ERCC3: variants seen among roughly 807,000 people sequenced by gnomAD.
ERCC3 encodes ERCC excision repair 3, TFIIH core complex helicase subunit.
Under a neutral mutation model 94.2 loss-of-function variants are expected in ERCC3, and 66 were observed. That is an observed-to-expected ratio of 0.70 (90% CI 0.57 to 0.86). The LOEUF is 0.86. ERCC3 is among the 40% of genes least tolerant of loss of function. The probability of loss-of-function intolerance (pLI) is 0.00; values close to 1 mark genes in which losing one functional copy is unlikely to be tolerated. For synonymous variants in ERCC3, 349 were observed against 369.1 expected, an observed-to-expected ratio of 0.95 and a Z score of 0.63; for missense variants, 829 against 987.1, an observed-to-expected ratio of 0.84 and a Z score of 2.15.
intron 12 of ERCC3, among the ~76,000 whole-genome samples, chr2:127,265,806 TTA>T (rs1323336119): frequency 6.6e-6 from 1 of 152,242 alleles, no homozygotes; most frequent in Non-Finnish European, 1.5e-5. Context: ...TGCTCTGATT[TTA>T]GTTATTTCTT....
At position 127,286,756 on chromosome 2, in the gene ERCC3, A is replaced by G. The variant is rs1406068183; in HGVS notation, c.1289T>C (p.Leu430Pro). Reference protein sequence around the residue: ...SWEAERVMEWLKTQEWGLMIL... With the variant: ...SWEAERVMEWPKTQEWGLMIL... ...CATGAGGCCCCACTCCTGGGTCTTG[A>G]GCCACTCCATGACTCGCTCGGCCTC... is the stretch of plus-strand genomic sequence containing the variant. Residue 430 changes from leucine (L) to proline (P), a missense_variant, in exon 8 of 15, where the codon CTC becomes CCC. By Grantham distance (98) the Leu-to-Pro change is moderately conservative. Transcript: ENST00000285398. The G allele has an allele frequency of 6.2e-7, 1 of 1,613,952 alleles. No individual in the cohort carries two copies. The highest frequency in any genetic ancestry group is 8.5e-7 in the Non-Finnish European group (1 of 1,180,008).
chr2:127,286,850 T>G lies in ERCC3; in HGVS notation c.1195A>C (p.Lys399Gln), dbSNP rs1282822015. Residue 399 changes from lysine to glutamine, a missense_variant, in exon 8 of 15, where the codon AAG becomes CAG. Lys to Gln is a moderately conservative substitution (Grantham distance 53). Transcript: ENST00000285398. The part of the protein sequence containing the change: ...ICRFTSDAKD[K>Q]PIGCSVAIST... ...ATGGCAACGGAGCAGCCGATGGGCT[T>G]GTCCTTGGCATCGGAGGTGAACCGG... is the stretch of plus-strand genomic sequence containing the variant. The G allele has an allele frequency of 6.2e-7, 1 of 1,614,216 alleles. No individual in the cohort carries two copies. Among genetic ancestry groups the G allele is most frequent in the Admixed American group, 1.7e-5 (1 of 60,036 alleles).
rs1684853435 is a variant in ERCC3 at position 127,279,930 on chromosome 2, G to A, written c.1527+517C>T. Among the ~76,000 whole-genome samples, 1 of 152,192 alleles carries A rather than the reference G, an allele frequency of 6.6e-6. No homozygotes were observed. The highest frequency in any genetic ancestry group is 6.5e-5 in the Admixed American group (1 of 15,286). On this transcript the variant is annotated intron_variant, in intron 9 of 14. Transcript: ENST00000285398. The surrounding 1 kb of genome is among the most constrained non-coding windows in gnomAD (Gnocchi z 4.7). ...CCAGGGAGTTATTTTCACACCAGCT[G>A]CAAGTGTGCGAAACCAGATTCTCAA...
At chr2:127,289,593 G>A (rs1359734819) in intron 5 of ERCC3, 92 bp from the exon 6 acceptor site, 1 of 1,600,374 alleles carries the variant, frequency 6.2e-7, no homozygotes, top group East Asian at 2.2e-5. Flanking sequence ...GAACCAGCAG[G>A]GCTGCTAGGT....
chr2:127,276,963 A>G (rs4150471), intron 10 of ERCC3, among the ~76,000 whole-genome samples: 115,254 of 152,060 alleles, frequency 0.76, 43,898 homozygotes, highest in East Asian at 1. Flanking sequence ...CTGATCAAGT[A>G]TAAAGTCGAG....
intron 3 of ERCC3, chr2:127,290,494 T>A: frequency 1.6e-6 from 1 of 611,626 alleles, no homozygotes; most frequent in Non-Finnish European, 3.0e-6. Context: ...GTAATTCTGA[T>A]GCATATCCAT....
At chr2:127,275,222 G>T (rs536100880) in intron 10 of ERCC3, among the ~76,000 whole-genome samples, 1 of 152,146 alleles carries the variant, frequency 6.6e-6, no homozygotes, top group South Asian at 2.1e-4. Flanking sequence ...AAAGGATGGG[G>T]TCTCACTATA....
rs1684181229 is a variant in ERCC3 at position 127,261,270 on chromosome 2, G to C, written c.2022C>G (p.Thr674=). The C allele has an allele frequency of 6.2e-7, 1 of 1,613,278 alleles. No homozygotes were observed. Among genetic ancestry groups the C allele is most frequent in the African/African-American group, 1.3e-5 (1 of 75,038 alleles). Reference sequence around the variant, plus strand: ...GATCTACCAAGAATCTCTGCCGCTTGGTTGAGTAAGCCATTTCCTGTGTGT... The same window carrying C: ...GATCTACCAAGAATCTCTGCCGCTTCGTTGAGTAAGCCATTTCCTGTGTGT... ...SQDTQEMAYS[T]KRQRFLVDQG... The change falls in exon 13 of 15, where the codon ACC becomes ACG. Residue 674 remains threonine (T), a synonymous_variant. Transcript: ENST00000285398.
Position 127,293,510 on chromosome 2 carries a change from T to C in ERCC3, c.234+3A>G. On this transcript the variant is annotated splice_donor_region_variant and intron_variant, in intron 2 of 14. Transcript: ENST00000285398. ...GCCCTGCCCAAGCTAAGGGCATGCT[T>C]ACCACCCAGAGGGGCCTGGAGGTGT... is the stretch of plus-strand genomic sequence containing the variant. The C allele has an allele frequency of 6.2e-7, 1 of 1,613,858 alleles. No individual in the cohort carries two copies. The highest frequency in any genetic ancestry group is 8.5e-7 in the Non-Finnish European group (1 of 1,179,860).
chr2:127,271,347 C>A lies in ERCC3; in HGVS notation c.1934G>T (p.Arg645Leu), dbSNP rs1366074068. 6.2e-7 allele frequency: 1 copy of A among 1,612,986 alleles called. No homozygotes were observed. The highest frequency in any genetic ancestry group is 1.3e-5 in the African/African-American group (1 of 74,988). ...QEAQRLGRVL[R>L]AKKGMVAEEY... ...AAAGGCCACTTTACCTTTTTTAGCTCGAAGCACCCGCCCTAGCCTTTGGGC... is the reference window on the plus strand; with the variant it reads ...AAAGGCCACTTTACCTTTTTTAGCTAGAAGCACCCGCCCTAGCCTTTGGGC... Residue 645 changes from arginine (R) to leucine (L), a missense_variant, in exon 12 of 15, where the codon CGA (arginine) becomes CTA (leucine). Physicochemically the swap from Arg to Leu is moderately radical, Grantham distance 102. Transcript: ENST00000285398. This position sits in a 1 kb window ranked among gnomAD's most constrained non-coding sequence, Gnocchi z 5.0.
At position 127,271,739 on chromosome 2, in the gene ERCC3, G is replaced by A. The variant is rs545412954; in HGVS notation, c.1828-286C>T. 6.6e-6 allele frequency among the ~76,000 whole-genome samples: 1 copy of A among 152,266 alleles called. No homozygotes were observed. The highest frequency in any genetic ancestry group is 6.5e-5 in the Admixed American group (1 of 15,298). On this transcript the variant is annotated intron_variant, in intron 11 of 14. Transcript: ENST00000285398. The surrounding 1 kb of genome is among the most constrained non-coding windows in gnomAD (Gnocchi z 5.0). ...GGGTGCCAGGAGCCCAGAGATGAGA[G>A]GGCCCTTGAACAGAGACTGACTTTG...
chr2:127,272,915 G>T lies in ERCC3; in HGVS notation c.1777C>A (p.Leu593Ile). 6.2e-7 allele frequency: 1 copy of T among 1,613,822 alleles called. No individual in the cohort carries two copies. Among genetic ancestry groups the T allele is most frequent in the South Asian group, 1.1e-5 (1 of 91,066 alleles). Residue 593 changes from leucine to isoleucine, a missense_variant, in exon 11 of 15, where the codon CTC becomes ATC. By Grantham distance (5) the Leu-to-Ile change is conservative. Coordinates refer to ENST00000285398, the MANE Select transcript of ERCC3 (RefSeq NM_000122.2). ...PTSQGERMQI[L>I]QNFKHNPKIN... ...TTGGGGTTGTGCTTGAAATTCTGGA[G>T]AATTTGCATCCTTTCCCCCTGAGAC...
At chr2:127,268,819 C>G (rs1013574602) in intron 12 of ERCC3, among the ~76,000 whole-genome samples, 79 of 152,168 alleles carry the variant, frequency 5.2e-4, no homozygotes, top group African/African-American at 1.6e-3. Flanking sequence ...TTTTTATTCC[C>G]TTGCTTAAAT....
chr2:127,261,517 C>T lies in ERCC3; in HGVS notation c.1946-171G>A, dbSNP rs896667720. ...CATCAAAATTTGGAAGTCTTTTGTG[C>T]TTCCAAGGACACCATCAAGTGAAAA... is the stretch of plus-strand genomic sequence containing the variant. On this transcript the variant is annotated intron_variant, in intron 12 of 14. Coordinates refer to ENST00000285398, the MANE Select transcript of ERCC3 (RefSeq NM_000122.2). 8 of 667,868 alleles carry T rather than the reference C, an allele frequency of 1.2e-5. No individual in the cohort carries two copies. In the South Asian group the frequency reaches 1.3e-4, roughly 11 times the overall value. The allele number at this position is 667,868 out of a possible 1,614,324, so 41.4% of individuals were successfully genotyped here.
Position 127,280,770 on chromosome 2 carries a change from C to T in ERCC3, c.1343-139G>A. 2 of 792,534 alleles carry T rather than the reference C, an allele frequency of 2.5e-6. No homozygotes were observed. The highest frequency in any genetic ancestry group is 3.4e-5 in the South Asian group (2 of 59,576). 49.1% of individuals were successfully genotyped at this position (792,534 alleles called of 1,614,324 possible). A position where few individuals can be genotyped will look rare whatever the true frequency, so the allele number is the denominator to read the frequency against. ...TTGAACTCCTGGCCTCAAGCAATCC[C>T]CCTGCCTTCGCCTCCCAAAGTGCTG... On this transcript the variant is annotated intron_variant, in intron 8 of 14. Transcript: ENST00000285398. This position sits in a 1 kb window ranked among gnomAD's most constrained non-coding sequence, Gnocchi z 6.3.
rs1189528251 is a variant in ERCC3 at position 127,288,731 on chromosome 2, T to A, written c.956A>T (p.Tyr319Phe). ...CATCTTTCGCAAGCTCTTCTCCTGATAGGGTCTGAGGACAGCTGTGGGCTT... is the reference window on the plus strand; with the variant it reads ...CATCTTTCGCAAGCTCTTCTCCTGAAAGGGTCTGAGGACAGCTGTGGGCTT... ...DLKPTAVLRP[Y>F]QEKSLRKMFG... Residue 319 changes from tyrosine (Y) to phenylalanine (F), a missense_variant, in exon 7 of 15, where the codon TAT (tyrosine) becomes TTT (phenylalanine). Tyr to Phe is a conservative substitution (Grantham distance 22). Transcript: ENST00000285398. The A allele has an allele frequency of 1.9e-6, 3 of 1,614,180 alleles. No homozygotes were observed. The highest frequency in any genetic ancestry group is 2.5e-6 in the Non-Finnish European group (3 of 1,180,028).
chr2:127,267,903 C>A (rs1295690204), intron 12 of ERCC3, among the ~76,000 whole-genome samples: 1 of 151,924 alleles, frequency 6.6e-6, no homozygotes, highest in Non-Finnish European at 1.5e-5. Flanking sequence ...TAGGATTTTT[C>A]TTTTTTATTT....
chr2:127,292,297 C>T (rs1208691895), intron 3 of ERCC3: 1 of 457,484 alleles, frequency 2.2e-6, no homozygotes, highest in Non-Finnish European at 4.1e-6. Context: ...CAAATTCTCC[C>T]TGGCTACAAT....
chr2:127,292,026 C>T (rs190263831), intron 3 of ERCC3: 106 of 180,560 alleles, frequency 5.9e-4, no homozygotes, highest in Non-Finnish European at 1.0e-3. Context: ...AGGTATCAGC[C>T]GATTCAGTTT....
Sources: allele counts gnomAD v4.1 joint callset (sites outside exome capture counted in the v4.1 genomes callset), GRCh38; gene constraint gnomAD v4.1.1; non-coding constraint Gnocchi (gnomAD v3.1); transcripts MANE v1.5; gene names NCBI Gene and HGNC (gene_info 2026-07-23, HGNC 2026-07-21).